Variants in ADK observed in about 807,000 individuals in gnomAD.
ADK encodes adenosine kinase.
In ADK, 24 loss-of-function variants were observed where a neutral mutation model predicts 44.7. The ratio of observed to expected loss-of-function variants is 0.54; its 90% CI spans 0.39 to 0.76. The LOEUF is 0.76. ADK is among the 30% of genes least tolerant of loss of function. ADK has a pLI of 0.00. For synonymous variants in ADK, 128 were observed against 142.6 expected (o/e 0.90, Z 0.73); for missense variants, 321 against 425.1 (o/e 0.76, Z 2.15).
In ADK at chr10:74,652,048, TTC is replaced by T. The variant is rs1175559957; in HGVS notation, c.878-18133_878-18132del. Among the ~76,000 whole-genome samples the T allele has an allele frequency of 4.1e-4, 61 of 148,836 alleles. 1 individual carries two copies. The highest frequency in any genetic ancestry group is 1.1e-3 in the African/African-American group (44 of 39,380). On this transcript the variant is annotated intron_variant, in intron 9 of 10. Transcript: ENST00000539909. ...AGGGATATGAAGGAACTTTCTTTCT[TTC>T]TTTTTTTTTTTTTTTGAGACAGAGT...
chr10:74,662,816 A>G (rs1168718830), intron 9 of ADK, among the ~76,000 whole-genome samples: 1 of 152,176 alleles, frequency 6.6e-6, no homozygotes, highest in East Asian at 1.9e-4. Flanking sequence ...CTTACCCTTG[A>G]AATCTCAACT....
intron 4 of ADK, among the ~76,000 whole-genome samples, chr10:74,386,585 A>G (rs1184587223): frequency 6.6e-6 from 1 of 152,136 alleles, no homozygotes; most frequent in African/African-American, 2.4e-5. Context: ...ACCTTAGTGA[A>G]CTGTCATCTC....
intron 3 of ADK, among the ~76,000 whole-genome samples, chr10:74,260,054 T>A (rs1212895060): frequency 1.4e-5 from 2 of 146,094 alleles, no homozygotes; most frequent in African/African-American, 5.0e-5. Context: ...TTTGGCCATT[T>A]AAAAAAAAAA....
intron 3 of ADK, among the ~76,000 whole-genome samples, chr10:74,231,354 C>T (rs1316067534): frequency 6.6e-6 from 1 of 152,156 alleles, no homozygotes; most frequent in Admixed American, 6.5e-5. Flanking sequence ...TCATTAGCAA[C>T]TTTGTCATCA....
At chr10:74,316,334 C>G (rs1170102401) in intron 4 of ADK, among the ~76,000 whole-genome samples, 3 of 152,100 alleles carry the variant, frequency 2.0e-5, no homozygotes, top group Non-Finnish European at 4.4e-5. Context: ...TTTTCTCCTG[C>G]TAGAACTGGG....
chr10:74,593,256 G>C (rs1851780988), intron 8 of ADK, among the ~76,000 whole-genome samples: 1 of 152,102 alleles, frequency 6.6e-6, no homozygotes, highest in African/African-American at 2.4e-5. Context: ...GTTCAGTTAA[G>C]GGAAAGCAAT....
intron 9 of ADK, among the ~76,000 whole-genome samples, chr10:74,651,116 C>T (rs1854253117): frequency 6.6e-6 from 1 of 152,044 alleles, no homozygotes; most frequent in African/African-American, 2.4e-5. Flanking sequence ...GAGGCATCAG[C>T]TAGGGATAGT....
intron 3 of ADK, among the ~76,000 whole-genome samples, chr10:74,232,592 GTCA>G (rs1844813156): frequency 8.5e-6 from 1 of 118,306 alleles, no homozygotes; most frequent in African/African-American, 3.4e-5. Context: ...AATTAACACT[GTCA>G]TCAAGGAAGG....
chr10:74,371,895 C>A, intron 4 of ADK: 1 of 1,474,708 alleles, frequency 6.8e-7, no homozygotes, highest in Non-Finnish European at 9.4e-7. Context: ...AGAGCCACGG[C>A]TTCTTGTGGT....
chr10:74,472,677 T>C (rs1356534474), intron 6 of ADK, among the ~76,000 whole-genome samples: 3 of 152,208 alleles, frequency 2.0e-5, no homozygotes, highest in African/African-American at 7.2e-5. Flanking sequence ...AAATTAAAGT[T>C]TAAAATTTTC....
intron 6 of ADK, among the ~76,000 whole-genome samples, chr10:74,465,559 G>A (rs1286667590): frequency 6.6e-6 from 1 of 152,162 alleles, no homozygotes; most frequent in Non-Finnish European, 1.5e-5. Flanking sequence ...GATAGAAATA[G>A]GGAGATCACT....
At chr10:74,577,634 C>G (rs1370910852) in intron 7 of ADK, among the ~76,000 whole-genome samples, 2 of 151,596 alleles carry the variant, frequency 1.3e-5, no homozygotes, top group Non-Finnish European at 2.9e-5. Flanking sequence ...CATTTTGTTA[C>G]ATTAAAAAAA....
At chr10:74,471,905 A>C (rs1846604471) in intron 6 of ADK, among the ~76,000 whole-genome samples, 2 of 151,900 alleles carry the variant, frequency 1.3e-5, no homozygotes, top group South Asian at 4.1e-4. Flanking sequence ...GTTTTTTTGT[A>C]TGTGCAGTCT....
chr10:74,325,428 A>G (rs887500257), intron 4 of ADK, among the ~76,000 whole-genome samples: 1 of 152,236 alleles, frequency 6.6e-6, no homozygotes, highest in African/African-American at 2.4e-5. Context: ...GTTGTCTTCA[A>G]ACAAGAACAA....
chr10:74,515,539 G>A (rs1848534161), intron 6 of ADK, among the ~76,000 whole-genome samples: 1 of 152,210 alleles, frequency 6.6e-6, no homozygotes, highest in African/African-American at 2.4e-5. Flanking sequence ...CTGGCTTGGA[G>A]ATATTCCCTG....
intron 9 of ADK, among the ~76,000 whole-genome samples, chr10:74,652,388 A>G (rs1017973295): frequency 3.9e-5 from 6 of 152,114 alleles, no homozygotes; most frequent in Non-Finnish European, 8.8e-5. Context: ...ATTACCCAAT[A>G]GAACTTTCTA....
intron 10 of ADK, among the ~76,000 whole-genome samples, chr10:74,683,330 G>T (rs1234766180): frequency 1.3e-5 from 2 of 152,176 alleles, no homozygotes; most frequent in Admixed American, 6.5e-5. Flanking sequence ...TCAGGAGGTT[G>T]TGCAACCTAT....
intron 9 of ADK, among the ~76,000 whole-genome samples, chr10:74,612,246 T>C (rs973613374): frequency 6.6e-6 from 1 of 152,180 alleles, no homozygotes; most frequent in Non-Finnish European, 1.5e-5. Flanking sequence ...CATATGTTTG[T>C]TGGCTGCTTG....
intron 6 of ADK, among the ~76,000 whole-genome samples, chr10:74,417,907 A>G (rs78377981): frequency 0.044 from 6,703 of 152,180 alleles, 521 homozygotes; most frequent in African/African-American, 0.15. Flanking sequence ...ATATATCAAA[A>G]CATATTTTGA....
Sources: gnomAD v4.1 joint callset for allele counts (sites outside exome capture counted in the v4.1 genomes callset) on GRCh38, gnomAD v4.1.1 for gene constraint, MANE v1.5 for transcripts, NCBI Gene and HGNC (gene_info 2026-07-23, HGNC 2026-07-21) for gene names.